The following ERG28 variants were observed in gnomAD, a reference collection of about 807,000 sequenced individuals.
ERG28 encodes the protein ergosterol biosynthesis 28 homolog.
Under a neutral mutation model 15.7 loss-of-function variants are expected in ERG28, and 9 were observed. The ratio of observed to expected loss-of-function variants is 0.57; its 90% CI spans 0.35 to 1.00. ERG28 has a LOEUF of 1.00. Ranked by LOEUF, ERG28 falls within the 50% of genes least tolerant of loss-of-function variation. The probability of loss-of-function intolerance (pLI) is 0.02; values close to 1 mark genes in which losing one functional copy is unlikely to be tolerated. For synonymous variants in ERG28, 61 were observed against 68.4 expected, an observed-to-expected ratio of 0.89 and a Z score of 0.53; for missense variants, 117 against 173.3, an observed-to-expected ratio of 0.68 and a Z score of 1.82.
chr14:75,656,647 G>A (rs2140065016), intron 2 of ERG28, among the ~76,000 whole-genome samples: 1 of 152,308 alleles, frequency 6.6e-6, no homozygotes, highest in Non-Finnish European at 1.5e-5. Flanking sequence ...ACACAGAATT[G>A]TCATCTGCTG....
intron 1 of ERG28, among the ~76,000 whole-genome samples, chr14:75,660,561 C>T (rs1474262239): frequency 6.6e-6 from 1 of 152,158 alleles, no homozygotes; most frequent in Non-Finnish European, 1.5e-5. Flanking sequence ...GCTGCTCATT[C>T]GCTCATCCAT....
chr14:75,654,823 C>A, intron 3 of ERG28, 63 bp downstream of exon 3: 1 of 1,477,982 alleles, frequency 6.8e-7, no homozygotes. Context: ...CTCAAGGTAA[C>A]AGGTATGCCT....
intron 2 of ERG28, 43 bp from the exon 3 acceptor site, chr14:75,655,019 T>G: frequency 1.3e-6 from 2 of 1,562,170 alleles, no homozygotes; most frequent in Non-Finnish European, 1.8e-6. Flanking sequence ...AGGGGAGACT[T>G]GAGGTTCCTT....
intron 2 of ERG28, 39 bp from the exon 3 acceptor site, chr14:75,655,015 G>A (rs1028073893): frequency 6.4e-7 from 1 of 1,569,382 alleles, no homozygotes; most frequent in African/African-American, 1.4e-5. Flanking sequence ...CAGAAGGGGA[G>A]ACTTGAGGTT....
intron 3 of ERG28, among the ~76,000 whole-genome samples, chr14:75,654,284 T>A (rs1223137320): frequency 6.6e-6 from 1 of 152,158 alleles, no homozygotes; most frequent in Admixed American, 6.5e-5. Context: ...ACCTAGAGTG[T>A]GATGATGACT....
chr14:75,652,817 CTTTTTTTTTTTT>C (rs59570063), intron 3 of ERG28, among the ~76,000 whole-genome samples: 13 of 96,230 alleles, frequency 1.4e-4, no homozygotes, highest in Admixed American at 1.1e-3. Context: ...ATTTTTACAC[CTTTTTTTTTTTT>C]TTTTTTTTTT....
At position 75,650,418 on chromosome 14, in the gene ERG28, A is replaced by G. The variant is rs957349596; in HGVS notation, c.*1137T>C. On this transcript the variant is annotated 3_prime_UTR_variant, in exon 5 of 5. Coordinates refer to ENST00000256319, the MANE Select transcript of ERG28 (RefSeq NM_007176.4). ...CGGCATGGAGAAGTACTCAACAAAT[A>G]TTTGCTGAAATAGCAATGGCCTTTT... The G allele has an allele frequency of 6.6e-6, 1 of 152,364 alleles. No homozygotes were observed. Among genetic ancestry groups the G allele is most frequent in the African/African-American group, 2.4e-5 (1 of 41,572 alleles). The allele number at this position is 152,364 out of a possible 1,614,324, so 9.4% of individuals were successfully genotyped here. A position where few individuals can be genotyped will look rare whatever the true frequency, so the allele number is the denominator to read the frequency against.
intron 1 of ERG28, among the ~76,000 whole-genome samples, chr14:75,660,191 A>T (rs544707079): frequency 2.0e-5 from 3 of 152,328 alleles, no homozygotes; most frequent in African/African-American, 7.2e-5. Flanking sequence ...CAGATAGCTG[A>T]TGAGGACAGA....
chr14:75,656,317 CACACACAT>C (rs1336130206), intron 2 of ERG28, among the ~76,000 whole-genome samples: 20 of 142,664 alleles, frequency 1.4e-4, no homozygotes, highest in Non-Finnish European at 2.2e-4. Flanking sequence ...CACACACACA[CACACACAT>C]AAAGTTCTGC....
intron 2 of ERG28, among the ~76,000 whole-genome samples, 168 bp downstream of exon 2, chr14:75,657,202 T>C (rs2140065321): frequency 6.6e-6 from 1 of 152,262 alleles, no homozygotes; most frequent in Admixed American, 6.5e-5. Flanking sequence ...AGCAACTGGA[T>C]TCCTGAGCTC....
In ERG28 at chr14:75,650,718, TACAA is replaced by T. The variant is rs1566801374; in HGVS notation, c.*833_*836del. On this transcript the variant is annotated 3_prime_UTR_variant, in exon 5 of 5. Transcript: ENST00000256319. ...AAAAAAGAAGATTTGACTTCAAGAATACAAGAGGAATGAGCAAATGACAGTAAGG... is the reference window on the plus strand; with the variant it reads ...AAAAAAGAAGATTTGACTTCAAGAATGAGGAATGAGCAAATGACAGTAAGG... The T allele has an allele frequency of 6.6e-6, 1 of 152,122 alleles. No individual in the cohort carries two copies. 9.4% of individuals were successfully genotyped at this position (152,122 alleles called of 1,614,324 possible).
At chr14:75,652,659 C>G (rs1481799969) in intron 3 of ERG28, among the ~76,000 whole-genome samples, 1 of 152,128 alleles carries the variant, frequency 6.6e-6, no homozygotes, top group Non-Finnish European at 1.5e-5. Context: ...ATCTTAACAT[C>G]TTGACATTTT....
At chr14:75,654,011 G>C (rs1890565050) in intron 3 of ERG28, among the ~76,000 whole-genome samples, 1 of 152,022 alleles carries the variant, frequency 6.6e-6, no homozygotes, top group South Asian at 2.1e-4. Flanking sequence ...AATCTCACTT[G>C]AGTCAGTCTT....
chr14:75,653,399 C>A (rs566839673), intron 3 of ERG28, among the ~76,000 whole-genome samples: 5 of 151,464 alleles, frequency 3.3e-5, no homozygotes, highest in African/African-American at 1.2e-4. Context: ...GTCAGGAGTT[C>A]GAGACCAGCC....
rs1890611597 is a variant in ERG28, at chr14:75,657,308, C to T, written c.133+62G>A. 6 of 1,570,890 alleles carry T rather than the reference C, an allele frequency of 3.8e-6. No individual in the cohort carries two copies. In the Admixed American group the frequency reaches 1.1e-4, roughly 28 times the overall value. On this transcript the variant is annotated intron_variant, in intron 2 of 4. Transcript: ENST00000256319. ...TCTGATGTACAGCCTGGTTTGGGAA[C>T]CACAGCATAGGGCCAGTCCTATAAG... is the stretch of plus-strand genomic sequence containing the variant.
At chr14:75,658,872 C>T (rs961568215) in intron 1 of ERG28, among the ~76,000 whole-genome samples, 1 of 152,112 alleles carries the variant, frequency 6.6e-6, no homozygotes, top group African/African-American at 2.4e-5. Flanking sequence ...TAACCCTTTG[C>T]AAGAGATAAA....
Position 75,657,365 on chromosome 14 carries a change from C to T in ERG28, c.133+5G>A, listed in dbSNP as rs950349145. 1.9e-6 allele frequency: 3 copies of T among 1,613,644 alleles called. No homozygotes were observed. The highest frequency in any genetic ancestry group is 2.2e-5 in the East Asian group (1 of 44,878). ...AAAGGATGCAGAAATTCTTTGATTT[C>T]TTACCAAGGTTTGGCTTGCCAGTGT... On this transcript the variant is annotated splice_donor_5th_base_variant and intron_variant, in intron 2 of 4. Transcript: ENST00000256319.
chr14:75,654,045 A>C (rs118166341), intron 3 of ERG28, among the ~76,000 whole-genome samples: 4,477 of 152,292 alleles, frequency 0.029, 85 homozygotes, highest in Middle Eastern at 0.051. Flanking sequence ...TGTATCTCTA[A>C]TATTTAGATG....
rs1890508848 is a variant in ERG28, at chr14:75,650,469, C to A, written c.*1086G>T. 6.6e-6 allele frequency: 1 copy of A among 152,188 alleles called. No individual in the cohort carries two copies. The highest frequency in any genetic ancestry group is 1.5e-5 in the Non-Finnish European group (1 of 68,054). 9.4% of individuals were successfully genotyped at this position (152,188 alleles called of 1,614,324 possible). On this transcript the variant is annotated 3_prime_UTR_variant, in exon 5 of 5. Transcript: ENST00000256319. ...GGATACACACACTGTGTATGAGGGT[C>A]CAGCTGGGGGAGGCCCTCTGGGTAG...
Sources: gnomAD v4.1 joint callset for allele counts (sites outside exome capture counted in the v4.1 genomes callset) on GRCh38, gnomAD v4.1.1 for gene constraint, MANE v1.5 for transcripts, NCBI Gene and HGNC (gene_info 2026-07-23, HGNC 2026-07-21) for gene names.